SHMT1: variants seen among roughly 807,000 people sequenced by gnomAD.
SHMT1 encodes the protein serine hydroxymethyltransferase 1, also known as serine hydroxymethyltransferase, cytosolic.
SHMT1 carries 45 observed loss-of-function variants against 49.0 expected under a neutral mutation model. The observed-to-expected ratio is 0.92, with a 90% CI of 0.72 to 1.18. The LOEUF is 1.18. SHMT1 is among the 50% of genes most tolerant of loss of function. SHMT1 has a pLI of 0.00. For missense variants in SHMT1, 541 were observed against 612.4 expected (o/e 0.88, Z 1.23); for synonymous variants, 232 against 246.6 (o/e 0.94, Z 0.55).
At chr17:18,329,215 C>T in intron 11 of SHMT1, 63 bp downstream of exon 11, 2 of 1,213,964 alleles carry the variant, frequency 1.6e-6, no homozygotes, top group South Asian at 1.3e-5. Context: ...CTCAGCTACT[C>T]ATCACAATCA....
chr17:18,346,692 T>C (rs889147122), intron 5 of SHMT1, among the ~76,000 whole-genome samples: 1 of 152,160 alleles, frequency 6.6e-6, no homozygotes, highest in Non-Finnish European at 1.5e-5. Flanking sequence ...ATGCATGTAA[T>C]ATACCTAACC....
At position 18,328,593 on chromosome 17, in the gene SHMT1, G is replaced by A; in HGVS notation, c.*157C>T. The A allele has an allele frequency of 1.4e-6, 1 of 731,024 alleles. No homozygotes were observed. The highest frequency in any genetic ancestry group is 2.9e-5 in the Admixed American group (1 of 35,038). The allele number at this position is 731,024 out of a possible 1,614,324, so 45.3% of individuals were successfully genotyped here. A position where few individuals can be genotyped will look rare whatever the true frequency, so the allele number is the denominator to read the frequency against. On this transcript the variant is annotated 3_prime_UTR_variant, in exon 12 of 12. Transcript: ENST00000316694. ...ATGAGACTTAAACAAATTTTGATTT[G>A]TGAAGAAAACATGAAAAAAGTCCAA...
At chr17:18,331,235 T>A (rs966415312) in intron 9 of SHMT1, 1 of 220,426 alleles carries the variant, frequency 4.5e-6, no homozygotes, top group Non-Finnish European at 9.1e-6. Context: ...GAACCTTCAT[T>A]AAGCTGGGGT....
chr17:18,341,640 T>TC (rs1358487327), intron 5 of SHMT1: 1 of 87,758 alleles, frequency 1.1e-5, no homozygotes, highest in Non-Finnish European at 1.9e-5. Flanking sequence ...AGAGCGAGAC[T>TC]CCATCTGAAA....
In SHMT1 at chr17:18,353,859, G is replaced by A. The variant is rs753461961; in HGVS notation, c.97-42C>T. ...AGATGCTTGATATTTGGAAATTTTA[G>A]TTTAAAATTTTGCTCTGATCCAAAT... On this transcript the variant is annotated intron_variant, in intron 2 of 11. Transcript: ENST00000316694. 19 of 1,603,032 alleles carry A rather than the reference G, an allele frequency of 1.2e-5. 1 individual carries two copies. The Admixed American group carries it at 3.2e-4, about 27-fold the overall frequency.
At chr17:18,347,301 A>G (rs891953123) in intron 5 of SHMT1, among the ~76,000 whole-genome samples, 195 bp downstream of exon 5, 10 of 152,208 alleles carry the variant, frequency 6.6e-5, no homozygotes, top group African/African-American at 2.4e-4. Context: ...GCCTCAGCTC[A>G]GACCCTCGTC....
intron 2 of SHMT1, 95 bp downstream of exon 2, chr17:18,355,791 T>C (rs1437490696): frequency 3.7e-6 from 3 of 802,724 alleles, no homozygotes; most frequent in Admixed American, 3.9e-5. Context: ...ATAATACTCA[T>C]TTCAAGGCTG....
chr17:18,352,899 G>C (rs1985866540), intron 3 of SHMT1, among the ~76,000 whole-genome samples: 1 of 151,592 alleles, frequency 6.6e-6, no homozygotes, highest in Non-Finnish European at 1.5e-5. Flanking sequence ...GAAGGAAAAA[G>C]AAAAAGAAAG....
rs72561771 is a variant in SHMT1 at position 18,330,426 on chromosome 17, G to A, written c.1171+129C>T. 9,179 of 786,180 alleles carry A rather than the reference G, an allele frequency of 0.012. 579 individuals carry two copies. In the African/African-American group the frequency reaches 0.14, roughly 12 times the overall value. The allele number at this position is 786,180 out of a possible 1,614,324, so 48.7% of individuals were successfully genotyped here. ...GCCGGGATTACAGGCGTGAGCCACC[G>A]TGCCCAGCCCCCACTACAGTTTTTA... On this transcript the variant is annotated intron_variant, in intron 10 of 11. Coordinates refer to ENST00000316694, the MANE Select transcript of SHMT1 (RefSeq NM_004169.5).
At chr17:18,338,003 G>A (rs995561447) in intron 7 of SHMT1, among the ~76,000 whole-genome samples, 1 of 151,598 alleles carries the variant, frequency 6.6e-6, no homozygotes, top group Non-Finnish European at 1.5e-5. Flanking sequence ...CCCCGTCTGG[G>A]AAGTGAGGAG....
chr17:18,331,005 C>T (rs1427610890), intron 9 of SHMT1: 1 of 383,124 alleles, frequency 2.6e-6, no homozygotes, highest in Non-Finnish European at 5.0e-6. Flanking sequence ...TAAAGGCTCC[C>T]CTGAAGGCAG....
At chr17:18,347,693 T>C (rs1985239784) in intron 4 of SHMT1, 37 bp from the exon 5 acceptor site, 1 of 1,613,316 alleles carries the variant, frequency 6.2e-7, no homozygotes, top group Non-Finnish European at 8.5e-7. Context: ...TGATTATTTC[T>C]AACTGAGGTA....
chr17:18,348,281 G>T, intron 4 of SHMT1, 44 bp downstream of exon 4: 1 of 1,240,286 alleles, frequency 8.1e-7, no homozygotes, highest in Non-Finnish European at 1.2e-6. Flanking sequence ...CCTGGGGGAT[G>T]CACATGAAGA....
At chr17:18,328,956 C>T (rs767000080) in intron 11 of SHMT1, 37 bp from the exon 12 acceptor site, 12 of 1,612,420 alleles carry the variant, frequency 7.4e-6, no homozygotes, top group Non-Finnish European at 1.0e-5. Context: ...CCCCACACTA[C>T]ACACCAAAGG....
chr17:18,344,237 A>C (rs1020594415), intron 5 of SHMT1, among the ~76,000 whole-genome samples: 3 of 152,208 alleles, frequency 2.0e-5, no homozygotes, highest in Non-Finnish European at 2.9e-5. Context: ...CCTCATCTAG[A>C]AAGTCAAGCT....
At chr17:18,331,116 C>T (rs771169806) in intron 9 of SHMT1, 8 of 311,512 alleles carry the variant, frequency 2.6e-5, no homozygotes, top group African/African-American at 4.3e-5. Flanking sequence ...AGGTTTTTCC[C>T]GGATCCTGTG....
chr17:18,333,238 G>C lies in SHMT1; in HGVS notation c.982C>G (p.Gln328Glu). 2.5e-6 allele frequency: 4 copies of C among 1,613,838 alleles called. No individual in the cohort carries two copies. The highest frequency in any genetic ancestry group is 3.4e-6 in the Non-Finnish European group (4 of 1,179,936). ...QAMTLEFKVY[Q>E]HQVVANCRAL... is the part of the protein sequence containing the mutation. Reference sequence around the variant, plus strand: ...CTGCAGTTGGCCACCACCTGGTGTTGATAAACTTTAAATTCCAGAGTCATA... The same window carrying C: ...CTGCAGTTGGCCACCACCTGGTGTTCATAAACTTTAAATTCCAGAGTCATA... Residue 328 changes from glutamine to glutamate, a missense_variant, in exon 9 of 12, where the codon CAA becomes GAA. By Grantham distance (29) the Gln-to-Glu change is conservative. Coordinates refer to ENST00000316694, the MANE Select transcript of SHMT1 (RefSeq NM_004169.5).
chr17:18,336,836 C>T (rs947773074), intron 7 of SHMT1, among the ~76,000 whole-genome samples: 2 of 152,134 alleles, frequency 1.3e-5, no homozygotes, highest in African/African-American at 4.8e-5. Flanking sequence ...GTCCCAGCTA[C>T]GTGGGAGGGT....
In SHMT1 at chr17:18,339,049, T is replaced by TAAAAA. The variant is rs34704448; in HGVS notation, c.814+989_814+993dup. Among the ~76,000 whole-genome samples, 49 of 26,860 alleles carry TAAAAA rather than the reference T, an allele frequency of 1.8e-3. 2 individuals are homozygous for TAAAAA. The highest frequency in any genetic ancestry group is 5.1e-3 in the African/African-American group (29 of 5,632). The allele number at this position is 26,860 out of a possible 152,430, so 17.6% of individuals were successfully genotyped here. ...ACACCCAAGAATGATCAATAAATAC[T>TAAAAA]AAAAAAAAAAAAAAAAAAAAAAAAA... On this transcript the variant is annotated intron_variant, in intron 7 of 11. Coordinates refer to ENST00000316694, the MANE Select transcript of SHMT1 (RefSeq NM_004169.5).
Sources: gnomAD v4.1 joint callset for allele counts (sites outside exome capture counted in the v4.1 genomes callset) on GRCh38, gnomAD v4.1.1 for gene constraint, MANE v1.5 for transcripts, NCBI Gene and HGNC (gene_info 2026-07-23, HGNC 2026-07-21) for gene names.